Variants in ADAR observed in about 807,000 individuals in gnomAD.
ADAR encodes double-stranded RNA-specific adenosine deaminase.
ADAR carries 41 observed loss-of-function variants against 113.2 expected under a neutral mutation model. The ratio of observed to expected loss-of-function variants is 0.36; its 90% CI spans 0.28 to 0.47. The LOEUF is 0.47. ADAR is among the 20% of genes least tolerant of loss of function. ADAR has a pLI of 1.00. For synonymous variants in ADAR, 605 were observed against 572.6 expected (o/e 1.06, Z -0.81); for missense variants, 1,242 against 1,540.9 (o/e 0.81, Z 3.25).
At chr1:154,621,340 A>G (rs1263297080) in intron 1 of ADAR, among the ~76,000 whole-genome samples, 1 of 152,136 alleles carries the variant, frequency 6.6e-6, no homozygotes, top group Non-Finnish European at 1.5e-5. Flanking sequence ...TATGCTCACA[A>G]GCAAAAGAAA....
At chr1:154,621,999 A>C (rs1698802263) in intron 1 of ADAR, among the ~76,000 whole-genome samples, 1 of 152,068 alleles carries the variant, frequency 6.6e-6, no homozygotes, top group African/African-American at 2.4e-5. Context: ...TGGCGTGGCT[A>C]GGGTTCCCAC....
intron 1 of ADAR, among the ~76,000 whole-genome samples, chr1:154,606,606 C>T (rs767463620): frequency 2.0e-5 from 3 of 152,038 alleles, no homozygotes; most frequent in Non-Finnish European, 4.4e-5. Flanking sequence ...TTTCTTTTTG[C>T]CCCCCTTAAA....
intron 1 of ADAR, among the ~76,000 whole-genome samples, chr1:154,605,122 C>T (rs1394696602): frequency 6.6e-6 from 1 of 152,200 alleles, no homozygotes; most frequent in Non-Finnish European, 1.5e-5. Context: ...TTGCCAAGTC[C>T]CACCTTGTCT....
At chr1:154,615,645 C>CT (rs1411965932) in intron 1 of ADAR, among the ~76,000 whole-genome samples, 1 of 152,140 alleles carries the variant, frequency 6.6e-6, no homozygotes, top group African/African-American at 2.4e-5. Flanking sequence ...AACTCCTGGG[C>CT]TCAAGCAATC....
intron 1 of ADAR, chr1:154,605,949 T>A (rs1698165724): frequency 1.1e-6 from 1 of 924,428 alleles, no homozygotes; most frequent in Non-Finnish European, 1.3e-6. Flanking sequence ...TATTTTAATG[T>A]CTGTCTATAG....
At chr1:154,596,098 T>A (rs1045346663) in intron 6 of ADAR, among the ~76,000 whole-genome samples, 7 of 152,230 alleles carry the variant, frequency 4.6e-5, no homozygotes, top group Middle Eastern at 3.2e-3. Context: ...TACACACTGA[T>A]GTTCTCACAA....
Position 154,602,023 on chromosome 1 carries a change from G to A in ADAR, c.619C>T (p.His207Tyr). 6.2e-7 allele frequency: 1 copy of A among 1,614,262 alleles called. No homozygotes were observed. The highest frequency in any genetic ancestry group is 8.5e-7 in the Non-Finnish European group (1 of 1,180,044). ...IAVSTQAWNQ[H>Y]SGVVRPDGHS... ...CCGTCTGGTCTTACCACTCCGCTGTGCTGGTTCCAAGCCTGAGTGGAGACC... is the reference window on the plus strand; with the variant it reads ...CCGTCTGGTCTTACCACTCCGCTGTACTGGTTCCAAGCCTGAGTGGAGACC... The change falls in exon 2 of 15, where the codon CAC becomes TAC. Residue 207 changes from histidine to tyrosine, a missense_variant. By Grantham distance (83) the His-to-Tyr change is moderately conservative (BLOSUM62 2). Coordinates refer to ENST00000368474, the MANE Select transcript of ADAR (RefSeq NM_001111.5).
chr1:154,591,454 T>A (rs1002506638), intron 6 of ADAR, among the ~76,000 whole-genome samples: 1 of 152,256 alleles, frequency 6.6e-6, no homozygotes, highest in African/African-American at 2.4e-5. Flanking sequence ...TTTTGACTCC[T>A]GGCAGGCTTA....
chr1:154,617,489 T>C (rs9426827), intron 1 of ADAR, among the ~76,000 whole-genome samples: 58,756 of 152,046 alleles, frequency 0.39, 13,115 homozygotes, highest in East Asian at 0.53. Context: ...ACAAAACCTC[T>C]TCCAAACAGG....
At chr1:154,596,749 G>C in intron 6 of ADAR, 56 bp downstream of exon 6, 2 of 1,601,274 alleles carry the variant, frequency 1.2e-6, no homozygotes, top group Non-Finnish European at 1.7e-6. Context: ...TTTTCCCTGG[G>C]TTACAGACCA....
Position 154,589,782 on chromosome 1 carries a change from C to T in ADAR, c.2643G>A (p.Met881Ile). The change falls in exon 8 of 15, where the codon ATG becomes ATA. Residue 881 changes from methionine to isoleucine, a missense_variant. Around this residue, in one of 2 missense-constraint regions of ADAR, gnomAD observed 780 missense variants for 1,057.9 expected, o/e 0.74. Coordinates refer to ENST00000368474, the MANE Select transcript of ADAR (RefSeq NM_001111.5). Reference protein sequence around the residue: ...AIIMKKDSEDMGVVVSLGTGN... With the variant: ...AIIMKKDSEDIGVVVSLGTGN... ...CTGTTCCCAAGCTGACGACGACACC[C>T]ATGTCCTCAGAGTCTTTTTTCATAA... The T allele has an allele frequency of 6.2e-7, 1 of 1,614,104 alleles. No homozygotes were observed. Among genetic ancestry groups the T allele is most frequent in the African/African-American group, 1.3e-5 (1 of 75,008 alleles).
intron 4 of ADAR, 55 bp from the exon 5 acceptor site, chr1:154,597,322 G>A: frequency 6.2e-7 from 1 of 1,606,006 alleles, no homozygotes; most frequent in Non-Finnish European, 8.5e-7. Context: ...TGAGGAGCCT[G>A]ACCTAGCCTC....
At position 154,588,214 on chromosome 1, in the gene ADAR, C is replaced by T. The variant is rs1557867881; in HGVS notation, c.2930G>A (p.Ser977Asn). Reference protein sequence around the residue: ...GDGALFDKSCSDRAMESTESR... With the variant: ...GDGALFDKSCNDRAMESTESR... ...TTCTGTGCTTTCCATAGCACGGTCG[C>T]TGCAGGACTTGTCAAAGAGGGCGCC... is the stretch of plus-strand genomic sequence containing the variant. The change falls in exon 11 of 15, where the codon AGC becomes AAC. Residue 977 changes from serine to asparagine, a missense_variant. Physicochemically the swap from Ser to Asn is conservative, Grantham distance 46. Around this residue, in one of 2 missense-constraint regions of ADAR, gnomAD observed 780 missense variants for 1,057.9 expected, o/e 0.74. Coordinates refer to ENST00000368474, the MANE Select transcript of ADAR (RefSeq NM_001111.5). The T allele has an allele frequency of 1.2e-6, 2 of 1,613,964 alleles. No individual in the cohort carries two copies. The highest frequency in any genetic ancestry group is 1.7e-6 in the Non-Finnish European group (2 of 1,180,030).
At position 154,586,188 on chromosome 1, in the gene ADAR, G is replaced by T. The variant is rs766048826; in HGVS notation, c.3195C>A (p.Val1065=). Residue 1065 remains valine, a synonymous_variant, in exon 12 of 15, where the codon GTC becomes GTA. Transcript: ENST00000368474. The part of the protein sequence containing the change: ...HFLQPIYLKS[V]TLGYLFSQGH... Reference sequence around the variant, plus strand: ...CCAAGGCAGGCCCCTTACCCAATGTGACAGATTTGAGATAAATGGGCTGCA... The same window carrying T: ...CCAAGGCAGGCCCCTTACCCAATGTTACAGATTTGAGATAAATGGGCTGCA... 1.9e-6 allele frequency: 3 copies of T among 1,614,124 alleles called. No individual in the cohort carries two copies. The highest frequency in any genetic ancestry group is 2.5e-6 in the Non-Finnish European group (3 of 1,180,042).
intron 10 of ADAR, 29 bp from the exon 11 acceptor site, chr1:154,588,287 C>T: frequency 6.2e-7 from 1 of 1,614,108 alleles, no homozygotes; most frequent in South Asian, 1.1e-5. Flanking sequence ...TGTTAAAACT[C>T]ACCTGTGGGA....
At chr1:154,627,914 A>AGCCCCCCCCCCCCCCCCCCCCCCC in exon 1 of ADAR, 4 of 463,312 alleles carry the variant, frequency 8.6e-6, no homozygotes, top group South Asian at 1.5e-5. Context: ...TGCGGCCGCG[A>AGCCCCCCCCCCCCCCCCCCCCCCC]CCCTCCCCCC....
At chr1:154,590,135 A>AGGCGGGGGGGG in intron 7 of ADAR, 49 bp downstream of exon 7, 7 of 1,205,012 alleles carry the variant, frequency 5.8e-6, no homozygotes, top group East Asian at 2.5e-5. Context: ...CTTAGGAGTT[A>AGGCGGGGGGGG]GGAGGACCCC....
upstream of ADAR, among the ~76,000 whole-genome samples, chr1:154,612,318 G>GTTTTTTT (rs55714254): frequency 4.3e-5 from 3 of 69,200 alleles, no homozygotes; most frequent in African/African-American, 6.1e-5. Context: ...AAATTACTCA[G>GTTTTTTT]TTTTTTTTTT....
Position 154,585,971 on chromosome 1 carries a change from A to G in ADAR, c.3203-106T>C, listed in dbSNP as rs1696731979. 2.4e-6 allele frequency: 3 copies of G among 1,245,382 alleles called. No homozygotes were observed. The East Asian group carries it at 7.5e-5, about 31-fold the overall frequency. 77.1% of individuals were successfully genotyped at this position (1,245,382 alleles called of 1,614,324 possible). On this transcript the variant is annotated intron_variant, in intron 12 of 14. Coordinates refer to ENST00000368474, the MANE Select transcript of ADAR (RefSeq NM_001111.5). Reference sequence around the variant, plus strand: ...AGGTACAAGATATAGTTGTCAAGAAAGAGAAACAGCTGCCTTGTTAGGAAG... The same window carrying G: ...AGGTACAAGATATAGTTGTCAAGAAGGAGAAACAGCTGCCTTGTTAGGAAG...
Sources: allele counts gnomAD v4.1 joint callset (sites outside exome capture counted in the v4.1 genomes callset), GRCh38; gene constraint gnomAD v4.1.1; regional missense constraint gnomAD v4.1.1; transcripts MANE v1.5; gene names NCBI Gene and HGNC (gene_info 2026-07-23, HGNC 2026-07-21).